BCO1: variants seen among roughly 807,000 people sequenced by gnomAD.
The protein encoded by BCO1 is beta-carotene oxygenase 1.
In BCO1, 54 loss-of-function variants were observed where a neutral mutation model predicts 56.3. The ratio of observed to expected loss-of-function variants is 0.96; its 90% CI spans 0.77 to 1.20. The LOEUF (loss-of-function observed/expected upper bound fraction) is 1.20. Among genes scored for constraint, BCO1 ranks in the 50% most tolerant of loss-of-function variants. BCO1 has a pLI of 0.00. For synonymous variants in BCO1, 318 were observed against 266.1 expected, an observed-to-expected ratio of 1.20 and a Z score of -1.90; for missense variants, 801 against 690.9, an observed-to-expected ratio of 1.16 and a Z score of -1.79.
intron 6 of BCO1, among the ~76,000 whole-genome samples, chr16:81,269,383 C>T (rs781641027): frequency 3.3e-5 from 5 of 151,966 alleles, no homozygotes; most frequent in African/African-American, 7.3e-5. Flanking sequence ...CTGTAACCTC[C>T]GCCTACGTAT....
At chr16:81,277,258 C>T (rs1907614231) in intron 7 of BCO1, among the ~76,000 whole-genome samples, 1 of 152,046 alleles carries the variant, frequency 6.6e-6, no homozygotes, top group African/African-American at 2.4e-5. Flanking sequence ...TCCACTTGTA[C>T]TCTCCTCCTG....
At chr16:81,283,600 G>A (rs1325563391) in intron 8 of BCO1, among the ~76,000 whole-genome samples, 1 of 151,926 alleles carries the variant, frequency 6.6e-6, no homozygotes, top group Non-Finnish European at 1.5e-5. Flanking sequence ...TCTAAGTATG[G>A]GAGTGTTCCC....
rs755530410 is a variant in BCO1 at position 81,245,511 on chromosome 16, G to T, written c.101G>T (p.Arg34Leu). 1.2e-6 allele frequency: 2 copies of T among 1,613,726 alleles called. No individual in the cohort carries two copies. Among genetic ancestry groups the T allele is most frequent in the Non-Finnish European group, 1.7e-6 (2 of 1,179,694 alleles). ...GCATGGCTGCAGGGAACCCTGCTCC[G>T]CAATGGGCCTGGGATGCACACAGTT... ...IPAWLQGTLLRNGPGMHTVGE... is the reference protein window; with the variant it reads ...IPAWLQGTLLLNGPGMHTVGE... Residue 34 changes from arginine (R) to leucine (L), a missense_variant, in exon 2 of 11, where the codon CGC becomes CTC. Physicochemically the swap from Arg to Leu is moderately radical, Grantham distance 102. Coordinates refer to ENST00000258168, the MANE Select transcript of BCO1 (RefSeq NM_017429.3).
In BCO1 at chr16:81,290,266, G is replaced by T. The variant is rs531658307; in HGVS notation, c.1415-82G>T. 5 of 1,152,686 alleles carry T rather than the reference G, an allele frequency of 4.3e-6. No individual in the cohort carries two copies. In the South Asian group the frequency reaches 6.2e-5, roughly 14 times the overall value. 71.4% of individuals were successfully genotyped at this position (1,152,686 alleles called of 1,614,324 possible). A position where few individuals can be genotyped will look rare whatever the true frequency, so the allele number is the denominator to read the frequency against. ...TGGTTAGATACATATGTTTAAAGAGGGCAGAGAGACATGCTGAGAAATTCA... is the reference window on the plus strand; with the variant it reads ...TGGTTAGATACATATGTTTAAAGAGTGCAGAGAGACATGCTGAGAAATTCA... On this transcript the variant is annotated intron_variant, in intron 10 of 10. Transcript: ENST00000258168.
At chr16:81,271,949 G>C (rs111967057) in intron 7 of BCO1, among the ~76,000 whole-genome samples, 3 of 152,136 alleles carry the variant, frequency 2.0e-5, no homozygotes, top group African/African-American at 7.2e-5. Context: ...GTTTCGCCAT[G>C]TTGCCCAGGC....
intron 8 of BCO1, among the ~76,000 whole-genome samples, chr16:81,283,285 T>A (rs556329986): frequency 1.4e-4 from 22 of 152,044 alleles, no homozygotes; most frequent in African/African-American, 5.3e-4. Flanking sequence ...TAATTTCATG[T>A]AACTACTGGC....
At chr16:81,247,592 T>A (rs2151927569) in intron 2 of BCO1, among the ~76,000 whole-genome samples, 1 of 152,226 alleles carries the variant, frequency 6.6e-6, no homozygotes, top group Non-Finnish European at 1.5e-5. Context: ...AATGGTGCAA[T>A]CTCAGCTCAC....
intron 7 of BCO1, among the ~76,000 whole-genome samples, chr16:81,280,122 G>C (rs943853876): frequency 6.6e-6 from 1 of 151,542 alleles, no homozygotes; most frequent in African/African-American, 2.4e-5. Flanking sequence ...AATTAGCCAG[G>C]CATGGTGGAA....
At chr16:81,256,672 G>T (rs967308283) in intron 2 of BCO1, among the ~76,000 whole-genome samples, 2 of 152,066 alleles carry the variant, frequency 1.3e-5, no homozygotes, top group African/African-American at 4.8e-5. Context: ...CAGTTCACCC[G>T]AGCTTAGGAG....
In BCO1 at chr16:81,238,907, C is replaced by T. The variant is rs746337379; in HGVS notation, c.-2C>T. On this transcript the variant is annotated 5_prime_UTR_variant, in exon 1 of 11. Coordinates refer to ENST00000258168, the MANE Select transcript of BCO1 (RefSeq NM_017429.3). The stretch of plus-strand genomic sequence containing the variant: ...AATCGATCTCCCTCGGCACCCTGAG[C>T]AATGGATATAATATTTGGCAGGAAT... 9 of 1,613,764 alleles carry T rather than the reference C, an allele frequency of 5.6e-6. No individual in the cohort carries two copies. The East Asian group carries it at 1.3e-4, about 24-fold the overall frequency.
At chr16:81,270,828 T>C (rs557511500) in intron 7 of BCO1, among the ~76,000 whole-genome samples, 38 of 151,978 alleles carry the variant, frequency 2.5e-4, no homozygotes, top group African/African-American at 9.2e-4. Context: ...CGCTGCAAGC[T>C]CCACCTCCCA....
Position 81,252,744 on chromosome 16 carries a change from G to A in BCO1, c.194-6932G>A, listed in dbSNP as rs1323142437. The stretch of plus-strand genomic sequence containing the variant: ...AGGACCAGTGAGTATGTGTGGCCTT[G>A]CTCACCCACAGATGAGTCCGCCTGC... On this transcript the variant is annotated intron_variant, in intron 2 of 10. Coordinates refer to ENST00000258168, the MANE Select transcript of BCO1 (RefSeq NM_017429.3). Among the ~76,000 whole-genome samples, 4 of 152,202 alleles carry A rather than the reference G, an allele frequency of 2.6e-5. No individual in the cohort carries two copies. The East Asian group carries it at 5.8e-4, about 22-fold the overall frequency.
intron 1 of BCO1, 143 bp downstream of exon 1, chr16:81,239,115 C>T: frequency 1.5e-6 from 1 of 688,702 alleles, no homozygotes; most frequent in South Asian, 1.8e-5. Context: ...CTCCTGGGTT[C>T]AAACGATCCT....
intron 2 of BCO1, among the ~76,000 whole-genome samples, chr16:81,249,491 C>T (rs1484502585): frequency 6.6e-6 from 1 of 152,136 alleles, no homozygotes; most frequent in East Asian, 1.9e-4. Context: ...CTCCTGACCT[C>T]GTGATCTGAC....
At chr16:81,252,237 G>A (rs1204298173) in intron 2 of BCO1, among the ~76,000 whole-genome samples, 3 of 151,716 alleles carry the variant, frequency 2.0e-5, no homozygotes, top group Non-Finnish European at 2.9e-5. Context: ...TTGTGTGTGT[G>A]GGTGTGTGTT....
chr16:81,239,139 C>T (rs1237221624), intron 1 of BCO1, among the ~76,000 whole-genome samples, 167 bp downstream of exon 1: 2 of 151,868 alleles, frequency 1.3e-5, no homozygotes, highest in African/African-American at 4.8e-5. Flanking sequence ...ACCACAGCCT[C>T]CCGAGTAGCT....
intron 2 of BCO1, among the ~76,000 whole-genome samples, chr16:81,250,684 G>A (rs779290938): frequency 6.7e-6 from 1 of 148,532 alleles, no homozygotes; most frequent in Non-Finnish European, 1.5e-5. Flanking sequence ...AGGTTCAAGC[G>A]ATTCTCGTGC....
intron 8 of BCO1, among the ~76,000 whole-genome samples, chr16:81,281,775 G>A (rs1907896836): frequency 1.3e-5 from 2 of 152,178 alleles, no homozygotes; most frequent in Non-Finnish European, 2.9e-5. Flanking sequence ...CCAGGGAATT[G>A]TAAGATGTTT....
chr16:81,246,734 C>G (rs1213749498), intron 2 of BCO1, among the ~76,000 whole-genome samples: 3 of 151,898 alleles, frequency 2.0e-5, no homozygotes, highest in African/African-American at 7.2e-5. Flanking sequence ...ACCTGTAATC[C>G]CAGCTACTAG....
Sources: allele counts gnomAD v4.1 joint callset (sites outside exome capture counted in the v4.1 genomes callset), GRCh38; gene constraint gnomAD v4.1.1; transcripts MANE v1.5; gene names NCBI Gene and HGNC (gene_info 2026-07-23, HGNC 2026-07-21).